Variants in GLDN observed in about 807,000 individuals in gnomAD.
GLDN encodes the protein gliomedin.
In GLDN, 47 loss-of-function variants were observed where a neutral mutation model predicts 56.5. The ratio of observed to expected loss-of-function variants is 0.83; its 90% CI spans 0.66 to 1.06. The LOEUF is 1.06. GLDN is among the 50% of genes least tolerant of loss of function. The pLI is 0.00. For synonymous variants in GLDN, 332 were observed against 278.8 expected (o/e 1.19, Z -1.90); for missense variants, 782 against 714.3 (o/e 1.09, Z -1.08).
rs781701833 is a variant in GLDN at position 51,406,382 on chromosome 15, C to G, written c.*1628C>G. 1 of 152,326 alleles carries G rather than the reference C, an allele frequency of 6.6e-6. No individual in the cohort carries two copies. Among genetic ancestry groups the G allele is most frequent in the Middle Eastern group, 3.4e-3 (1 of 294 alleles). 9.4% of individuals were successfully genotyped at this position (152,326 alleles called of 1,614,324 possible). A position where few individuals can be genotyped will look rare whatever the true frequency, so the allele number is the denominator to read the frequency against. Reference sequence around the variant, plus strand: ...GGGCTCTGCAGCCAGGAAGGGGAACCAGGGCAAATCTTATGTAAAGATTTT... The same window carrying G: ...GGGCTCTGCAGCCAGGAAGGGGAACGAGGGCAAATCTTATGTAAAGATTTT... On this transcript the variant is annotated 3_prime_UTR_variant, in exon 10 of 10. Coordinates refer to ENST00000335449, the MANE Select transcript of GLDN (RefSeq NM_181789.4).
At chr15:51,391,781 A>G (rs922443759) in intron 4 of GLDN, among the ~76,000 whole-genome samples, 1 of 152,236 alleles carries the variant, frequency 6.6e-6, no homozygotes, top group African/African-American at 2.4e-5. Flanking sequence ...TGGCACAGCC[A>G]GTGCTGACAG....
chr15:51,386,920 G>C (rs796930191), intron 4 of GLDN, among the ~76,000 whole-genome samples: 21 of 152,306 alleles, frequency 1.4e-4, no homozygotes, highest in African/African-American at 5.1e-4. Context: ...ACTCCGCATG[G>C]GATGTGCTGA....
chr15:51,404,076 A>G (rs1027356877), intron 9 of GLDN, among the ~76,000 whole-genome samples: 8 of 152,190 alleles, frequency 5.3e-5, no homozygotes, highest in African/African-American at 1.4e-4. Flanking sequence ...TAGCACAGCC[A>G]GTCATTGTCT....
At chr15:51,378,106 C>T (rs1280187588) in intron 2 of GLDN, among the ~76,000 whole-genome samples, 1 of 152,200 alleles carries the variant, frequency 6.6e-6, no homozygotes, top group African/African-American at 2.4e-5. Flanking sequence ...ACCTCCCTCT[C>T]ATTACCTGCC....
At chr15:51,377,678 C>T (rs1427983984) in intron 2 of GLDN, among the ~76,000 whole-genome samples, 178 bp downstream of exon 2, 1 of 152,146 alleles carries the variant, frequency 6.6e-6, no homozygotes, top group African/African-American at 2.4e-5. Context: ...ATAATATTTT[C>T]AGTATTGCCA....
At chr15:51,359,022 A>G (rs1194386485) in intron 1 of GLDN, among the ~76,000 whole-genome samples, 3 of 152,160 alleles carry the variant, frequency 2.0e-5, no homozygotes. Context: ...GCCTACACCC[A>G]TACTCAGGTC....
At chr15:51,380,009 C>A (rs1359883489) in intron 2 of GLDN, among the ~76,000 whole-genome samples, 3 of 152,160 alleles carry the variant, frequency 2.0e-5, no homozygotes, top group African/African-American at 7.2e-5. Context: ...CAGGGCACCA[C>A]TCAGCCCCAC....
chr15:51,377,214 C>G (rs775832053), intron 1 of GLDN: 1 of 548,548 alleles, frequency 1.8e-6, no homozygotes, highest in Non-Finnish European at 3.2e-6. Context: ...TACCCCGTGA[C>G]TGGACAAATG....
At chr15:51,348,815 C>T (rs1031837227) in intron 1 of GLDN, among the ~76,000 whole-genome samples, 6 of 152,192 alleles carry the variant, frequency 3.9e-5, no homozygotes, top group Admixed American at 2.6e-4. Flanking sequence ...CATGCATTTG[C>T]AGAAGTCTCA....
intron 1 of GLDN, among the ~76,000 whole-genome samples, chr15:51,346,385 T>C (rs1030199569): frequency 2.0e-5 from 3 of 152,142 alleles, no homozygotes; most frequent in African/African-American, 7.2e-5. Context: ...TAAATACATA[T>C]GGCAATTTAG....
chr15:51,363,862 C>A (rs2037350616), intron 1 of GLDN, among the ~76,000 whole-genome samples: 1 of 152,174 alleles, frequency 6.6e-6, no homozygotes, highest in Non-Finnish European at 1.5e-5. Context: ...ATTATTTGGA[C>A]TATAGAATTC....
intron 1 of GLDN, among the ~76,000 whole-genome samples, chr15:51,350,193 AG>A (rs1417371812): frequency 2.6e-5 from 4 of 152,186 alleles, no homozygotes; most frequent in African/African-American, 7.2e-5. Context: ...TGTAGGGCTG[AG>A]CCAGGCTGCT....
chr15:51,402,761 C>T (rs529998981), intron 9 of GLDN, among the ~76,000 whole-genome samples: 37 of 152,292 alleles, frequency 2.4e-4, no homozygotes, highest in African/African-American at 7.0e-4. Context: ...GTGTAATATG[C>T]GATATGATCA....
chr15:51,385,424 G>A (rs1412133728), intron 4 of GLDN: 2 of 152,150 alleles, frequency 1.3e-5, no homozygotes, highest in Non-Finnish European at 2.9e-5. Context: ...ATTTGTTTAT[G>A]GAGCACATAT....
chr15:51,371,189 G>A (rs17524318), intron 1 of GLDN, among the ~76,000 whole-genome samples: 26,639 of 152,042 alleles, frequency 0.18, 2,790 homozygotes, highest in Admixed American at 0.26. Context: ...TTTTGCTTTC[G>A]TCACTTAACA....
chr15:51,383,921 T>A (rs1006958113), intron 4 of GLDN, 29 bp downstream of exon 4: 31 of 1,460,460 alleles, frequency 2.1e-5, no homozygotes, highest in Non-Finnish European at 2.7e-5. Context: ...CTAATTAATT[T>A]CCCTGTTATT....
chr15:51,341,929 C>A lies in GLDN; in HGVS notation c.245C>A (p.Pro82Gln), dbSNP rs2036891160. ...LSRAPRGASA[P>Q]PQDPASSARN... ...CGCGCGCCGCGCGGGGCGTCCGCAC[C>A]ACCCCAAGACCCGGCCAGCTCAGCT... The change falls in exon 1 of 10, where the codon CCA becomes CAA. Residue 82 changes from proline (P) to glutamine (Q), a missense_variant. By Grantham distance (76) the Pro-to-Gln change is moderately conservative. Transcript: ENST00000335449. 1 of 1,596,306 alleles carries A rather than the reference C, an allele frequency of 6.3e-7. No individual in the cohort carries two copies. The highest frequency in any genetic ancestry group is 1.3e-5 in the African/African-American group (1 of 74,860).
intron 1 of GLDN, among the ~76,000 whole-genome samples, chr15:51,348,992 T>C (rs2037028360): frequency 6.6e-6 from 1 of 152,204 alleles, no homozygotes; most frequent in Non-Finnish European, 1.5e-5. Flanking sequence ...TTGGTTTCAG[T>C]TTTTTGTTGT....
intron 5 of GLDN, among the ~76,000 whole-genome samples, chr15:51,396,122 C>T (rs778201613): frequency 3.9e-5 from 6 of 152,126 alleles, no homozygotes; most frequent in Non-Finnish European, 8.8e-5. Context: ...CCACATCAGC[C>T]CCCTCCCCTT....
Sources: gnomAD v4.1 joint callset for allele counts (sites outside exome capture counted in the v4.1 genomes callset) on GRCh38, gnomAD v4.1.1 for gene constraint, MANE v1.5 for transcripts, NCBI Gene and HGNC (gene_info 2026-07-23, HGNC 2026-07-21) for gene names.